Variants in MECOM observed in about 807,000 individuals in gnomAD.
MECOM encodes the protein MDS1 and EVI1 complex locus, also known as histone-lysine N-methyltransferase MECOM.
MECOM carries 13 observed loss-of-function variants against 116.3 expected under a neutral mutation model. That is an observed-to-expected ratio of 0.11 (90% CI 0.07 to 0.18). The LOEUF is 0.18. Ranked by LOEUF, MECOM falls within the 10% of genes least tolerant of loss-of-function variation. MECOM has a pLI of 1.00. For missense variants in MECOM, 1,299 were observed against 1,509.0 expected (o/e 0.86, Z 2.31); for synonymous variants, 528 against 535.2 (o/e 0.99, Z 0.19).
chr3:169,327,634 T>A (rs1317492109), intron 2 of MECOM, among the ~76,000 whole-genome samples: 1 of 128,676 alleles, frequency 7.8e-6, no homozygotes, highest in African/African-American at 3.0e-5. Flanking sequence ...AGTGAGACTG[T>A]GTCTCAAAAA....
At chr3:169,180,188 T>C (rs1281476540) in intron 2 of MECOM, among the ~76,000 whole-genome samples, 1 of 152,216 alleles carries the variant, frequency 6.6e-6, no homozygotes, top group Non-Finnish European at 1.5e-5. Flanking sequence ...CAATATTATT[T>C]CCATTTAGAA....
chr3:169,629,726 G>A (rs888612340), intron 1 of MECOM, among the ~76,000 whole-genome samples: 3 of 152,162 alleles, frequency 2.0e-5, no homozygotes, highest in Non-Finnish European at 4.4e-5. Context: ...TGGAACTACT[G>A]AATGGTCAGG....
intron 1 of MECOM, among the ~76,000 whole-genome samples, chr3:169,647,427 A>G (rs372909748): frequency 6.6e-6 from 1 of 152,246 alleles, no homozygotes; most frequent in Non-Finnish European, 1.5e-5. Flanking sequence ...AGGCACAGAG[A>G]AGTAAATAGC....
rs140737095 is a variant in MECOM at position 169,271,491 on chromosome 3, T to C, written c.375+109696A>G. On this transcript the variant is annotated intron_variant, in intron 2 of 16. Coordinates refer to ENST00000651503, the MANE Select transcript of MECOM (RefSeq NM_004991.4). ...CAACAACAATAACCAAAAAAGACTT[T>C]CCAAGTTTATAATTTTTTAAAGTCT... is the stretch of plus-strand genomic sequence containing the variant. Among the ~76,000 whole-genome samples the C allele has an allele frequency of 9.8e-4, 149 of 152,256 alleles. 1 individual carries two copies. The highest frequency in any genetic ancestry group is 3.6e-3 in the African/African-American group (148 of 41,550).
At chr3:169,619,947 A>G (rs1373341422) in intron 1 of MECOM, among the ~76,000 whole-genome samples, 1 of 152,210 alleles carries the variant, frequency 6.6e-6, no homozygotes, top group Non-Finnish European at 1.5e-5. Flanking sequence ...TTCATGTTCT[A>G]AGACAGTCAT....
chr3:169,630,170 T>C lies in MECOM; in HGVS notation c.37+33166A>G, dbSNP rs958112197. Among the ~76,000 whole-genome samples, 3 of 152,132 alleles carry C rather than the reference T, an allele frequency of 2.0e-5. No individual in the cohort carries two copies. In the East Asian group the frequency reaches 5.8e-4, roughly 29 times the overall value. Reference sequence around the variant, plus strand: ...CCCCCTGCTGCCGTTACAAAGTCATTAGCATCTACTGTGCCCCTGGGGGTG... The same window carrying C: ...CCCCCTGCTGCCGTTACAAAGTCATCAGCATCTACTGTGCCCCTGGGGGTG... On this transcript the variant is annotated intron_variant, in intron 1 of 16. Coordinates refer to ENST00000651503, the MANE Select transcript of MECOM (RefSeq NM_004991.4).
chr3:169,447,823 C>T (rs1744907104), intron 1 of MECOM: 1 of 152,198 alleles, frequency 6.6e-6, no homozygotes, highest in African/African-American at 2.4e-5. Context: ...GAAGGAAGTA[C>T]ATTCTAGGCA....
At chr3:169,211,755 G>A (rs1323326536) in intron 2 of MECOM, among the ~76,000 whole-genome samples, 2 of 152,100 alleles carry the variant, frequency 1.3e-5, no homozygotes, top group East Asian at 3.9e-4. Flanking sequence ...GATCATTTGT[G>A]TTCATGGCTC....
intron 2 of MECOM, among the ~76,000 whole-genome samples, chr3:169,178,989 GC>G (rs1286887920): frequency 6.6e-6 from 1 of 152,020 alleles, no homozygotes; most frequent in Non-Finnish European, 1.5e-5. Context: ...AATATACTAC[GC>G]CCACAATATT....
At chr3:169,662,140 C>T (rs993074405) in intron 1 of MECOM, among the ~76,000 whole-genome samples, 1 of 152,262 alleles carries the variant, frequency 6.6e-6, no homozygotes, top group Non-Finnish European at 1.5e-5. Flanking sequence ...AGTCATCCAA[C>T]ACTTTTGCTG....
chr3:169,455,358 C>T (rs1560295426), intron 1 of MECOM, among the ~76,000 whole-genome samples: 2 of 152,156 alleles, frequency 1.3e-5, no homozygotes, highest in South Asian at 4.1e-4. Context: ...AGTGTATCTC[C>T]GCGTTTATAC....
chr3:169,427,988 G>C (rs2108537887), intron 1 of MECOM, among the ~76,000 whole-genome samples: 1 of 152,304 alleles, frequency 6.6e-6, no homozygotes, highest in Admixed American at 6.5e-5. Context: ...ATCCCTATAA[G>C]AAGAGGAGAT....
chr3:169,400,300 G>A (rs950642150), intron 1 of MECOM, among the ~76,000 whole-genome samples: 6 of 152,140 alleles, frequency 3.9e-5, no homozygotes, highest in Non-Finnish European at 7.4e-5. Context: ...TCAAAATCAT[G>A]CCAACACTTT....
At chr3:169,344,141 G>T (rs1410595432) in intron 2 of MECOM, among the ~76,000 whole-genome samples, 2 of 152,032 alleles carry the variant, frequency 1.3e-5, no homozygotes, top group African/African-American at 4.8e-5. Context: ...CATTTTGGTA[G>T]CTTCGTAGCC....
At chr3:169,159,008 A>G (rs959873454) in intron 2 of MECOM, among the ~76,000 whole-genome samples, 1 of 152,144 alleles carries the variant, frequency 6.6e-6, no homozygotes, top group African/African-American at 2.4e-5. Flanking sequence ...CCTGTCTCCC[A>G]TGGCCTTTCA....
chr3:169,448,766 C>T (rs1560287366), intron 1 of MECOM, among the ~76,000 whole-genome samples: 1 of 152,052 alleles, frequency 6.6e-6, no homozygotes, highest in Non-Finnish European at 1.5e-5. Context: ...TGATTATTTC[C>T]AATTCCGTAA....
intron 1 of MECOM, among the ~76,000 whole-genome samples, chr3:169,424,551 A>T (rs1402370230): frequency 6.6e-6 from 1 of 152,166 alleles, no homozygotes; most frequent in Non-Finnish European, 1.5e-5. Flanking sequence ...CATGTGAAAG[A>T]AGATGGTTGT....
chr3:169,463,931 A>G (rs1185600787), intron 1 of MECOM: 1 of 151,978 alleles, frequency 6.6e-6, no homozygotes. Flanking sequence ...TAATTCACCT[A>G]TTTTTCTTCA....
chr3:169,627,054 C>G (rs1031506599), intron 1 of MECOM, among the ~76,000 whole-genome samples: 2 of 152,148 alleles, frequency 1.3e-5, no homozygotes, highest in Non-Finnish European at 2.9e-5. Context: ...AAAGAAGGAT[C>G]AATCAATTAA....
Sources: gnomAD v4.1 joint callset for allele counts (sites outside exome capture counted in the v4.1 genomes callset) on GRCh38, gnomAD v4.1.1 for gene constraint, MANE v1.5 for transcripts, NCBI Gene and HGNC (gene_info 2026-07-23, HGNC 2026-07-21) for gene names.